The following METTL8 variants were observed in gnomAD, a reference collection of about 807,000 sequenced individuals.
The protein encoded by METTL8 is tRNA N(3)-cytidine methyltransferase METTL8, mitochondrial.
METTL8 carries 32 observed loss-of-function variants against 48.7 expected under a neutral mutation model. That is an observed-to-expected ratio of 0.66 (90% CI 0.50 to 0.88). METTL8 has a LOEUF of 0.88. Among genes scored for constraint, METTL8 ranks in the 40% least tolerant of loss-of-function variants. The probability of loss-of-function intolerance (pLI) is 0.00; values close to 1 mark genes in which losing one functional copy is unlikely to be tolerated. For synonymous variants in METTL8, 136 were observed against 157.1 expected (o/e 0.87, Z 1.01); for missense variants, 464 against 474.4 (o/e 0.98, Z 0.20).
intron 1 of METTL8, among the ~76,000 whole-genome samples, chr2:171,433,400 T>G (rs939061334): frequency 2.0e-5 from 3 of 152,218 alleles, no homozygotes; most frequent in Non-Finnish European, 2.9e-5. Flanking sequence ...ATCGCTGGCT[T>G]TCTTTGAGCA....
At chr2:171,359,805 G>T (rs1411498913) in intron 3 of METTL8, among the ~76,000 whole-genome samples, 2 of 152,024 alleles carry the variant, frequency 1.3e-5, no homozygotes, top group Non-Finnish European at 2.9e-5. Flanking sequence ...GTAGAGACAG[G>T]TTTTCTCGAT....
At chr2:171,418,113 T>C (rs1691501169) in intron 1 of METTL8, among the ~76,000 whole-genome samples, 2 of 152,102 alleles carry the variant, frequency 1.3e-5, no homozygotes, top group Admixed American at 1.3e-4. Context: ...CCGGCTAATT[T>C]TTTGTATTTT....
chr2:171,406,963 G>T (rs961230526), intron 1 of METTL8, among the ~76,000 whole-genome samples: 4 of 152,008 alleles, frequency 2.6e-5, no homozygotes, highest in African/African-American at 9.7e-5. Flanking sequence ...AACTGATAGG[G>T]CAGTTATTGA....
chr2:171,403,340 T>C (rs1233706873), intron 1 of METTL8, among the ~76,000 whole-genome samples: 1 of 152,128 alleles, frequency 6.6e-6, no homozygotes, highest in Non-Finnish European at 1.5e-5. Context: ...CCAACCCCCA[T>C]AACTTCAGTC....
At chr2:171,379,127 T>C (rs770210359) in intron 2 of METTL8, among the ~76,000 whole-genome samples, 1 of 152,164 alleles carries the variant, frequency 6.6e-6, no homozygotes, top group African/African-American at 2.4e-5. Context: ...CACAACTATA[T>C]GGAAATTGAA....
intron 2 of METTL8, among the ~76,000 whole-genome samples, chr2:171,391,108 C>G (rs1688540883): frequency 6.6e-6 from 1 of 152,140 alleles, no homozygotes; most frequent in Admixed American, 6.5e-5. Context: ...CAACCACCAC[C>G]CTGATCAGTC....
At chr2:171,410,297 T>C (rs1296776169) in intron 1 of METTL8, among the ~76,000 whole-genome samples, 1 of 152,210 alleles carries the variant, frequency 6.6e-6, no homozygotes, top group South Asian at 2.1e-4. Flanking sequence ...AAAAGAAATG[T>C]CCTTGTTTAT....
chr2:171,342,339 T>C (rs1204511446), intron 3 of METTL8, among the ~76,000 whole-genome samples: 5 of 152,250 alleles, frequency 3.3e-5, no homozygotes, highest in African/African-American at 1.2e-4. Context: ...AAAAGAATTA[T>C]GTGATATTAA....
intron 3 of METTL8, 28 bp downstream of exon 3, chr2:171,360,394 C>T (rs1464950075): frequency 6.3e-7 from 1 of 1,597,422 alleles, no homozygotes; most frequent in South Asian, 1.1e-5. Context: ...AGCTCTGGCT[C>T]TAGGAGCTAC....
chr2:171,414,815 A>G (rs1010036050), intron 1 of METTL8: 1 of 152,036 alleles, frequency 6.6e-6, no homozygotes, highest in Non-Finnish European at 1.5e-5. Context: ...CTTATCTTGA[A>G]TTGTAGCTCT....
At chr2:171,434,362 C>T, upstream of METTL8, 1 of 805,086 alleles carries the variant, frequency 1.2e-6, no homozygotes, top group East Asian at 2.8e-5. Flanking sequence ...GGGAGTGCTT[C>T]TTCCCTTCTC....
chr2:171,397,092 G>C (rs1018045497), intron 1 of METTL8, among the ~76,000 whole-genome samples: 9 of 151,030 alleles, frequency 6.0e-5, no homozygotes, highest in African/African-American at 1.9e-4. Context: ...AAAGTGCTGG[G>C]ATTACAGGCA....
In METTL8 at chr2:171,339,538, T is replaced by C. The variant is rs1236674988; in HGVS notation, c.252A>G (p.Glu84=). 1 of 1,544,050 alleles carries C rather than the reference T, an allele frequency of 6.5e-7. No individual in the cohort carries two copies. Among genetic ancestry groups the C allele is most frequent in the South Asian group, 1.2e-5 (1 of 86,344 alleles). Residue 84 remains glutamate (E), a synonymous_variant, in exon 4 of 10, where the codon GAA becomes GAG. Coordinates refer to ENST00000375258, the MANE Select transcript of METTL8 (RefSeq NM_001321154.2). Reference sequence around the variant, plus strand: ...AAAATGTGTCCCAGTATTTACTAGCTTCTCTCTCATACTTAACTAAAATAA... The same window carrying C: ...AAAATGTGTCCCAGTATTTACTAGCCTCTCTCTCATACTTAACTAAAATAA... The part of the protein sequence containing the change: ...LLEEQVKYER[E]ASKYWDTFYK...
At chr2:171,369,752 A>G (rs1686108528) in intron 2 of METTL8, among the ~76,000 whole-genome samples, 1 of 152,166 alleles carries the variant, frequency 6.6e-6, no homozygotes, top group Non-Finnish European at 1.5e-5. Flanking sequence ...CCAGTAGAGG[A>G]AGTAAAAATT....
chr2:171,357,056 C>A (rs1040036278), intron 3 of METTL8, among the ~76,000 whole-genome samples: 7 of 149,562 alleles, frequency 4.7e-5, no homozygotes, highest in African/African-American at 1.5e-4. Flanking sequence ...GTCCTGGGTT[C>A]AAGTGATTCT....
At chr2:171,432,325 GAAGAT>G (rs1248524884) in intron 1 of METTL8, among the ~76,000 whole-genome samples, 1 of 152,226 alleles carries the variant, frequency 6.6e-6, no homozygotes, top group Non-Finnish European at 1.5e-5. Context: ...TAGGTGAAAT[GAAGAT>G]GAGATGGATA....
intron 3 of METTL8, among the ~76,000 whole-genome samples, chr2:171,341,233 C>T (rs1168680746): frequency 6.6e-6 from 1 of 150,994 alleles, no homozygotes; most frequent in Non-Finnish European, 1.5e-5. Flanking sequence ...GAGGCTGAGA[C>T]AGGAGAATCA....
At chr2:171,381,909 G>C (rs1236949446) in intron 2 of METTL8, among the ~76,000 whole-genome samples, 1 of 151,612 alleles carries the variant, frequency 6.6e-6, no homozygotes, top group Non-Finnish European at 1.5e-5. Flanking sequence ...AGCCTCCTGA[G>C]TAGCTGGGAC....
intron 2 of METTL8, among the ~76,000 whole-genome samples, chr2:171,386,840 C>A (rs1428148450): frequency 6.6e-6 from 1 of 152,116 alleles, no homozygotes; most frequent in Admixed American, 6.5e-5. Flanking sequence ...TCCCCTCCCC[C>A]CAGACCCCAG....
Sources: gnomAD v4.1 joint callset for allele counts (sites outside exome capture counted in the v4.1 genomes callset) on GRCh38, gnomAD v4.1.1 for gene constraint, MANE v1.5 for transcripts, NCBI Gene and HGNC (gene_info 2026-07-23, HGNC 2026-07-21) for gene names.